The following HNRNPUL2 variants were observed in gnomAD, a reference collection of about 807,000 sequenced individuals.
HNRNPUL2 encodes the protein heterogeneous nuclear ribonucleoprotein U like 2.
Under a neutral mutation model 102.2 loss-of-function variants are expected in HNRNPUL2, and 27 were observed. The observed-to-expected ratio is 0.26, with a 90% CI of 0.19 to 0.36. The LOEUF (loss-of-function observed/expected upper bound fraction) is 0.36, where lower values mean the gene tolerates loss of function less well. Among genes scored for constraint, HNRNPUL2 ranks in the 10% least tolerant of loss-of-function variants. HNRNPUL2 has a pLI of 1.00. For missense variants in HNRNPUL2, 936 were observed against 981.1 expected (o/e 0.95, Z 0.61); for synonymous variants, 458 against 387.2 (o/e 1.18, Z -2.15).
intron 1 of HNRNPUL2, among the ~76,000 whole-genome samples, chr11:62,726,128 G>A (rs486451): frequency 0.024 from 3,704 of 152,278 alleles, 153 homozygotes; most frequent in African/African-American, 0.084. Context: ...TGGATTTTCA[G>A]ATTCTCTGTG....
intron 1 of HNRNPUL2, among the ~76,000 whole-genome samples, chr11:62,725,026 G>T (rs967571141): frequency 1.3e-5 from 2 of 152,168 alleles, no homozygotes; most frequent in African/African-American, 4.8e-5. Flanking sequence ...AGTCACAAGA[G>T]ATCCATAAAT....
chr11:62,723,253 A>C (rs541670416), intron 4 of HNRNPUL2, among the ~76,000 whole-genome samples: 1 of 152,330 alleles, frequency 6.6e-6, no homozygotes, highest in Admixed American at 6.5e-5. Flanking sequence ...GCACTTTGGG[A>C]GGCCAAGACG....
intron 1 of HNRNPUL2, 149 bp from the exon 2 acceptor site, chr11:62,724,575 T>A (rs2083729790): frequency 2.3e-6 from 2 of 883,996 alleles, no homozygotes; most frequent in South Asian, 1.9e-5. Flanking sequence ...ATTTTATTTC[T>A]AAAGATCAGC....
chr11:62,716,880 G>A (rs1292025013), intron 11 of HNRNPUL2, 109 bp downstream of exon 11: 20 of 1,068,482 alleles, frequency 1.9e-5, no homozygotes, highest in East Asian at 7.2e-5. Context: ...AGGCACTTCC[G>A]TATTGTTAAT....
At chr11:62,724,048 G>T (rs955175807) in intron 2 of HNRNPUL2, 58 bp from the exon 3 acceptor site, 1 of 1,371,130 alleles carries the variant, frequency 7.3e-7, no homozygotes, top group Non-Finnish European at 1.0e-6. Context: ...TCTTTGAGGG[G>T]TGTGTGTGTA....
rs1015268385 is a variant in HNRNPUL2 at position 62,715,502 on chromosome 11, C to T, written c.2161G>A (p.Asp721Asn). ...GTCTATCCCAAGAAGATACTCACAT[C>T]CCGATTGTATTGTCTGTAATAGTCT... ...YRDYYRQYNR[D>N]WQSYYYHHPQ... Residue 721 changes from aspartate (D) to asparagine (N), a missense_variant and splice_region_variant, in exon 13 of 14, where the codon GAT (aspartate) becomes AAT (asparagine). Asp to Asn is a conservative substitution (Grantham distance 23). This residue lies in a region of HNRNPUL2 where 609 missense variants were observed against 713.0 expected (regional missense o/e 0.85). Transcript: ENST00000301785. 2.5e-6 allele frequency: 4 copies of T among 1,608,970 alleles called. No homozygotes were observed. The highest frequency in any genetic ancestry group is 2.6e-6 in the Non-Finnish European group (3 of 1,175,622).
chr11:62,721,985 G>A lies in HNRNPUL2; in HGVS notation c.1360-43C>T, dbSNP rs768845072. On this transcript the variant is annotated intron_variant, in intron 7 of 13. Transcript: ENST00000301785. ...AGAAATATAATGAAAAATAAATGAG[G>A]GTCATGTTTATCAAAACCAATTTAA... The A allele has an allele frequency of 2.5e-6, 4 of 1,610,850 alleles. No homozygotes were observed. The East Asian group carries it at 6.7e-5, about 27-fold the overall frequency.
chr11:62,720,698 A>G (rs2083695171), intron 9 of HNRNPUL2, among the ~76,000 whole-genome samples: 1 of 151,854 alleles, frequency 6.6e-6, no homozygotes, highest in South Asian at 2.1e-4. Flanking sequence ...CCCTGTCTCT[A>G]CTAAAAATAC....
At chr11:62,722,971 G>A in intron 4 of HNRNPUL2, 68 bp from the exon 5 acceptor site, 3 of 1,205,838 alleles carry the variant, frequency 2.5e-6, no homozygotes, top group Non-Finnish European at 3.6e-6. Context: ...GAGTTCGAAG[G>A]ACAAGATTTT....
chr11:62,720,906 A>G (rs2083697716), intron 9 of HNRNPUL2, among the ~76,000 whole-genome samples: 1 of 149,364 alleles, frequency 6.7e-6, no homozygotes. Flanking sequence ...ATCTTTGACA[A>G]CTTAGACACG....
chr11:62,720,806 G>A (rs2083695951), intron 9 of HNRNPUL2, among the ~76,000 whole-genome samples: 1 of 147,872 alleles, frequency 6.8e-6, no homozygotes, highest in Non-Finnish European at 1.5e-5. Context: ...TGAGCTTGCA[G>A]TGAGCCGAGA....
rs189824590 is a variant in HNRNPUL2, at chr11:62,726,220, G to C, written c.538+399C>G. Among the ~76,000 whole-genome samples, 1,277 of 152,310 alleles carry C rather than the reference G, an allele frequency of 8.4e-3. 11 individuals carry two copies. The highest frequency in any genetic ancestry group is 0.011 in the Non-Finnish European group (738 of 68,018). ...TGCTTAACATTTTTACGGCGAAAAA[G>C]TTAGGTCAGGTAGCCCAAAGACCTG... On this transcript the variant is annotated intron_variant, in intron 1 of 13. Coordinates refer to ENST00000301785, the MANE Select transcript of HNRNPUL2 (RefSeq NM_001079559.3).
intron 1 of HNRNPUL2, 75 bp from the exon 2 acceptor site, chr11:62,724,501 A>G: frequency 6.6e-7 from 1 of 1,515,048 alleles, no homozygotes; most frequent in Non-Finnish European, 9.1e-7. Context: ...AATAGACACT[A>G]ACAGGGAATC....
At chr11:62,715,628 G>C (rs745613690) in intron 12 of HNRNPUL2, 21 bp from the exon 13 acceptor site, 4 of 1,578,598 alleles carry the variant, frequency 2.5e-6, no homozygotes, top group Non-Finnish European at 3.5e-6. Context: ...AAAAGAAAAA[G>C]GAGTGAAGGT....
intron 10 of HNRNPUL2, among the ~76,000 whole-genome samples, chr11:62,718,313 C>A (rs1480563191): frequency 6.6e-6 from 1 of 152,122 alleles, no homozygotes; most frequent in Non-Finnish European, 1.5e-5. Flanking sequence ...GCCAAATTAA[C>A]AAACAAAACA....
Position 62,723,586 on chromosome 11 carries a change from C to T in HNRNPUL2, c.891+1G>A. ...ATGAATGAATGGTCTTAATGAGCTA[C>T]CTTTGCCTCAAAGCAGACTTTTCCC... On this transcript the variant is annotated splice_donor_variant, in intron 4 of 13. Coordinates refer to ENST00000301785, the MANE Select transcript of HNRNPUL2 (RefSeq NM_001079559.3). LOFTEE classifies it high-confidence loss of function. The T allele has an allele frequency of 6.2e-7, 1 of 1,600,776 alleles. No homozygotes were observed. The highest frequency in any genetic ancestry group is 8.5e-7 in the Non-Finnish European group (1 of 1,173,172).
rs955041646 is a variant in HNRNPUL2, at chr11:62,713,752, C to A, written c.*1547G>T. 2 of 152,252 alleles carry A rather than the reference C, an allele frequency of 1.3e-5. No homozygotes were observed. Among genetic ancestry groups the A allele is most frequent in the African/African-American group, 2.4e-5 (1 of 41,460 alleles). The allele number at this position is 152,252 out of a possible 1,614,324, so 9.4% of individuals were successfully genotyped here. On this transcript the variant is annotated 3_prime_UTR_variant, in exon 14 of 14. Transcript: ENST00000301785. ...TGAGGAAATGGAAGTGAAGCATTTT[C>A]TAGTGGCACAGATTTTCTCACTAGG...
At position 62,723,720 on chromosome 11, in the gene HNRNPUL2, G is replaced by A. The variant is rs775840342; in HGVS notation, c.758C>T (p.Ser253Leu). The A allele has an allele frequency of 2.5e-6, 4 of 1,614,088 alleles. No individual in the cohort carries two copies. Among genetic ancestry groups the A allele is most frequent in the Non-Finnish European group, 1.7e-6 (2 of 1,180,008 alleles). Residue 253 changes from serine to leucine, a missense_variant, in exon 4 of 14, where the codon TCG (serine) becomes TTG (leucine). Coordinates refer to ENST00000301785, the MANE Select transcript of HNRNPUL2 (RefSeq NM_001079559.3). Reference sequence around the variant, plus strand: ...TTTGCTCACTTGAAAATGCAGATCCGAGGTATCTGTAAAGAAAGAAGCAAT... The same window carrying A: ...TTTGCTCACTTGAAAATGCAGATCCAAGGTATCTGTAAAGAAAGAAGCAAT... ...QTLVNLDTYTSDLHFQVSKDR... is the reference protein window; with the variant it reads ...QTLVNLDTYTLDLHFQVSKDR...
In HNRNPUL2 at chr11:62,720,074, T is replaced by C; in HGVS notation, c.1729A>G (p.Lys577Glu). The C allele has an allele frequency of 6.2e-7, 1 of 1,614,182 alleles. No homozygotes were observed. Among genetic ancestry groups the C allele is most frequent in the Non-Finnish European group, 8.5e-7 (1 of 1,180,020 alleles). ...GGCACATCATCTCCCTCTACTTCCT[T>C]CCTCAACTCCAGCCTCTTCTTCCAA... The part of the protein sequence containing the change: ...EDWKKRLELR[K>E]EVEGDDVPES... The change falls in exon 10 of 14, where the codon AAG becomes GAG. Residue 577 changes from lysine to glutamate, a missense_variant. Lys to Glu is a moderately conservative substitution (Grantham distance 56, BLOSUM62 1). Coordinates refer to ENST00000301785, the MANE Select transcript of HNRNPUL2 (RefSeq NM_001079559.3).
Sources: gnomAD v4.1 joint callset for allele counts (sites outside exome capture counted in the v4.1 genomes callset) on GRCh38, gnomAD v4.1.1 for gene constraint, gnomAD v4.1.1 regional missense constraint, MANE v1.5 for transcripts, NCBI Gene and HGNC (gene_info 2026-07-23, HGNC 2026-07-21) for gene names.